The following PATL2 variants were observed in gnomAD, a reference collection of about 807,000 sequenced individuals.
PATL2 encodes the protein PAT1 homolog 2.
In PATL2, 73 loss-of-function variants were observed where a neutral mutation model predicts 77.0. The observed-to-expected ratio is 0.95, with a 90% CI of 0.78 to 1.15. The LOEUF (loss-of-function observed/expected upper bound fraction) is 1.15. Ranked by LOEUF, PATL2 falls within the 50% of genes most tolerant of loss-of-function variation. The pLI, the probability that PATL2 is intolerant of heterozygous loss-of-function variation, is 0.00. For missense variants in PATL2, 618 were observed against 655.4 expected (o/e 0.94, Z 0.62); for synonymous variants, 265 against 257.1 (o/e 1.03, Z -0.29).
In PATL2 at chr15:44,675,592, T is replaced by TTCCTCCTCCTCCC. The variant is rs1566856862; in HGVS notation, c.115_116insGGGAGGAGGAGGA (p.Glu39GlyfsTer26). On this transcript the variant is annotated frameshift_variant, in exon 5 of 18. Coordinates refer to ENST00000682850, the MANE Select transcript of PATL2 (RefSeq NM_001387263.1). LOFTEE classifies it high-confidence loss of function. ...GTCCAGATCCTCCTCGTCCTCCTCC[T>TTCCTCCTCCTCCC]CTTCCTCCTCCTCCCCTTCATTCTC... 7.7e-6 allele frequency: 12 copies of TTCCTCCTCCTCCC among 1,551,750 alleles called. No individual in the cohort carries two copies. The Admixed American group carries it at 2.0e-4, about 25-fold the overall frequency.
Position 44,675,665 on chromosome 15 carries a change from C to A in PATL2, c.43G>T (p.Ala15Ser), listed in dbSNP as rs746093946. The stretch of plus-strand genomic sequence containing the variant: ...GCAGACACCAGCTCCTCCTCAGAAG[C>A]CAAGGGGCCACAGGTCTTACCTGGC... ...EGPGKTCGPL[A>S]SEEELVSACQ... Residue 15 changes from alanine (A) to serine (S), a missense_variant, in exon 5 of 18, where the codon GCT becomes TCT. Coordinates refer to ENST00000682850, the MANE Select transcript of PATL2 (RefSeq NM_001387263.1). 1.7e-5 allele frequency: 27 copies of A among 1,550,870 alleles called. No individual in the cohort carries two copies. In the Admixed American group the frequency reaches 1.8e-4, roughly 10 times the overall value.
At chr15:44,666,752 G>A in intron 16 of PATL2, 2 of 546,106 alleles carry the variant, frequency 3.7e-6, no homozygotes, top group Non-Finnish European at 6.3e-6. Context: ...AACTATGAGG[G>A]GTTAATACCA....
chr15:44,709,854 GCCCTGT>G (rs2086816144), intron 3 of PATL2, among the ~76,000 whole-genome samples: 1 of 152,146 alleles, frequency 6.6e-6, no homozygotes, highest in Non-Finnish European at 1.5e-5. Context: ...GGCAAAAATA[GCCCTGT>G]CCCTTGCTAA....
At position 44,669,868 on chromosome 15, in the gene PATL2, C is replaced by T. The variant is rs772569538; in HGVS notation, c.785G>A (p.Arg262Gln). 1.7e-5 allele frequency: 27 copies of T among 1,551,466 alleles called. No individual in the cohort carries two copies. Among genetic ancestry groups the T allele is most frequent in the African/African-American group, 4.1e-5 (3 of 73,004 alleles). Residue 262 changes from arginine to glutamine, a missense_variant, in exon 11 of 18, where the codon CGA becomes CAA. Transcript: ENST00000682850. Reference protein sequence around the residue: ...PKAEAYESVVRIEGSLGQVAV... With the variant: ...PKAEAYESVVQIEGSLGQVAV... ...TACCTGGCCCAGGGAACCCTCGATTCGGACCACTGCATGAGAAGAGAGGCA... is the reference window on the plus strand; with the variant it reads ...TACCTGGCCCAGGGAACCCTCGATTTGGACCACTGCATGAGAAGAGAGGCA...
In PATL2 at chr15:44,698,097, A is replaced by AATTTTC. The variant is rs1368443907; in HGVS notation, c.-76+11998_-76+11999insGAAAAT. On this transcript the variant is annotated intron_variant, in intron 3 of 17. Coordinates refer to ENST00000682850, the MANE Select transcript of PATL2 (RefSeq NM_001387263.1). The stretch of plus-strand genomic sequence containing the variant: ...TCTGTCTTTAAATTTTTTTAATTTT[A>AATTTTC]ATTTTATTTTTAATTTTCATGGGTA... 6.0e-5 allele frequency among the ~76,000 whole-genome samples: 9 copies of AATTTTC among 149,264 alleles called. No individual in the cohort carries two copies. In the East Asian group the frequency reaches 1.6e-3, roughly 26 times the overall value.
chr15:44,705,988 TA>T (rs2086728521), intron 3 of PATL2, among the ~76,000 whole-genome samples: 1 of 151,990 alleles, frequency 6.6e-6, no homozygotes, highest in Non-Finnish European at 1.5e-5. Context: ...TTAGTAGAGA[TA>T]GGGTTTCACC....
intron 16 of PATL2, 151 bp downstream of exon 16, chr15:44,666,955 A>G: frequency 1.5e-6 from 1 of 649,402 alleles, no homozygotes; most frequent in Non-Finnish European, 2.7e-6. Flanking sequence ...GGCACTATAG[A>G]AAAAAAGCAG....
In PATL2 at chr15:44,676,547, C is replaced by A. The variant is rs902395945; in HGVS notation, c.-57G>T. 1.7e-4 allele frequency: 257 copies of A among 1,550,750 alleles called. No individual in the cohort carries two copies. The highest frequency in any genetic ancestry group is 2.2e-4 in the Non-Finnish European group (249 of 1,146,506). On this transcript the variant is annotated 5_prime_UTR_variant, in exon 4 of 18. Transcript: ENST00000682850. ...GTGTCCTCCAGTGAAACAGCATTGC[C>A]AGCCTCTGGAAGGTAAACCTGAGAC...
intron 3 of PATL2, chr15:44,676,824 G>T: frequency 8.8e-7 from 1 of 1,137,464 alleles, no homozygotes; most frequent in South Asian, 2.1e-5. Context: ...GACATCACCA[G>T]TCACCGTCCG....
rs1446325074 is a variant in PATL2 at position 44,669,457 on chromosome 15, T to C, written c.931-44A>G. 6 of 1,548,728 alleles carry C rather than the reference T, an allele frequency of 3.9e-6. No individual in the cohort carries two copies. In the East Asian group the frequency reaches 9.8e-5, roughly 25 times the overall value. ...AAAAAAGAGGTAAATTTGGGTAATATCTCATTCTCAAAGGTAGGTTTGGAA... is the reference window on the plus strand; with the variant it reads ...AAAAAAGAGGTAAATTTGGGTAATACCTCATTCTCAAAGGTAGGTTTGGAA... On this transcript the variant is annotated intron_variant, in intron 12 of 17. Transcript: ENST00000682850.
chr15:44,676,388 TG>T, intron 4 of PATL2, 86 bp downstream of exon 4: 1 of 1,187,932 alleles, frequency 8.4e-7, no homozygotes, highest in Non-Finnish European at 1.2e-6. Context: ...CCAGTGACTC[TG>T]GACATCCAAT....
At chr15:44,666,935 G>T in intron 16 of PATL2, 171 bp downstream of exon 16, 1 of 600,156 alleles carries the variant, frequency 1.7e-6, no homozygotes, top group Non-Finnish European at 2.9e-6. Flanking sequence ...AGAAGAAACC[G>T]AAACTCTAGG....
intron 4 of PATL2, 194 bp downstream of exon 4, chr15:44,676,281 A>C (rs902362720): frequency 1.6e-6 from 1 of 607,400 alleles, no homozygotes. Context: ...GTTGTTGATA[A>C]TTTTACTAGG....
chr15:44,676,406 T>C (rs2085956624), intron 4 of PATL2, 69 bp downstream of exon 4: 13 of 1,343,068 alleles, frequency 9.7e-6, no homozygotes, highest in South Asian at 1.3e-5. Context: ...CAATCCCATA[T>C]GTGAAACAGA....
At chr15:44,689,875 C>A (rs1395984481) in intron 3 of PATL2, among the ~76,000 whole-genome samples, 1 of 152,070 alleles carries the variant, frequency 6.6e-6, no homozygotes, top group Non-Finnish European at 1.5e-5. Context: ...AGAAGAAAAT[C>A]TCAAAAATAC....
rs1457057185 is a variant in PATL2, at chr15:44,668,362, T to C, written c.1345A>G (p.Thr449Ala). ...GTTACCTGATTCTGAAGCACCACGG[T>C]GACTGGCCGCTCTGAGGAGCCAGGT... is the stretch of plus-strand genomic sequence containing the variant. Reference protein sequence around the residue: ...LPPGSSERPVTVVLQNQFGIS... With the variant: ...LPPGSSERPVAVVLQNQFGIS... The change falls in exon 15 of 18, where the codon ACC (threonine) becomes GCC (alanine). Residue 449 changes from threonine (T) to alanine (A), a missense_variant. Physicochemically the swap from Thr to Ala is moderately conservative, Grantham distance 58. Coordinates refer to ENST00000682850, the MANE Select transcript of PATL2 (RefSeq NM_001387263.1). The C allele has an allele frequency of 1.9e-6, 3 of 1,550,908 alleles. No homozygotes were observed. The highest frequency in any genetic ancestry group is 4.9e-5 in the East Asian group (2 of 40,926).
intron 3 of PATL2, among the ~76,000 whole-genome samples, chr15:44,709,272 C>A (rs1222592694): frequency 6.6e-6 from 1 of 152,110 alleles, no homozygotes; most frequent in African/African-American, 2.4e-5. Context: ...TTCTTGCCAA[C>A]ATTTACTACT....
At chr15:44,688,440 T>G (rs1007277010) in intron 3 of PATL2, among the ~76,000 whole-genome samples, 3 of 152,016 alleles carry the variant, frequency 2.0e-5, no homozygotes, top group East Asian at 1.9e-4. Flanking sequence ...GGAGGCACCA[T>G]GCTACCTGAC....
Position 44,669,551 on chromosome 15 carries a change from C to G in PATL2, c.889G>C (p.Ala297Pro). ...HGTQEQDIEA[A>P]SSQRLRVLYR... ...AATACCCGAAGCCTCTGACTGCTTG[C>G]AGCTTCTATATCCTAGGAGAAGGGA... is the stretch of plus-strand genomic sequence containing the variant. The change falls in exon 12 of 18, where the codon GCA (alanine) becomes CCA (proline). Residue 297 changes from alanine to proline, a missense_variant. Ala to Pro is a conservative substitution (Grantham distance 27). Transcript: ENST00000682850. The G allele has an allele frequency of 6.4e-7, 1 of 1,551,350 alleles. No individual in the cohort carries two copies. The highest frequency in any genetic ancestry group is 8.7e-7 in the Non-Finnish European group (1 of 1,146,922).
Sources: gnomAD v4.1 joint callset for allele counts (sites outside exome capture counted in the v4.1 genomes callset) on GRCh38, gnomAD v4.1.1 for gene constraint, MANE v1.5 for transcripts, NCBI Gene and HGNC (gene_info 2026-07-23, HGNC 2026-07-21) for gene names.